Variants in TERF2IP observed in about 807,000 individuals in gnomAD.
The protein encoded by TERF2IP is telomeric repeat-binding factor 2-interacting protein 1.
A neutral mutation model predicts 33.3 loss-of-function variants in TERF2IP; 35 were observed. The observed-to-expected ratio is 1.05, with a 90% CI of 0.80 to 1.39. The LOEUF (loss-of-function observed/expected upper bound fraction) is 1.39, where lower values mean the gene tolerates loss of function less well. Ranked by LOEUF, TERF2IP falls within the 40% of genes most tolerant of loss-of-function variation. TERF2IP has a pLI of 0.00. For synonymous variants in TERF2IP, 253 were observed against 223.2 expected (o/e 1.13, Z -1.19); for missense variants, 583 against 524.8 (o/e 1.11, Z -1.08).
rs1379021647 is a variant in TERF2IP at position 75,648,180 on chromosome 16, C to A, written c.298C>A (p.Arg100=). 4 of 1,559,238 alleles carry A rather than the reference C, an allele frequency of 2.6e-6. No homozygotes were observed. The highest frequency in any genetic ancestry group is 3.5e-6 in the Non-Finnish European group (4 of 1,154,432). Residue 100 remains arginine, a synonymous_variant, in exon 1 of 3, where the codon CGG becomes AGG. Coordinates refer to ENST00000300086, the MANE Select transcript of TERF2IP (RefSeq NM_018975.4). The part of the protein sequence containing the change: ...RNERLELEAY[R]LGPASAADTG... ...CGAGAGGCTGGAGCTGGAGGCCTATCGGCTGGGCCCCGCCTCGGCGGCGGA... is the reference window on the plus strand; with the variant it reads ...CGAGAGGCTGGAGCTGGAGGCCTATAGGCTGGGCCCCGCCTCGGCGGCGGA...
intron 1 of TERF2IP, among the ~76,000 whole-genome samples, chr16:75,652,557 A>T (rs2082355337): frequency 6.6e-6 from 1 of 152,246 alleles, no homozygotes; most frequent in South Asian, 2.1e-4. Context: ...CAAATGCCAG[A>T]CATCATATCA....
At position 75,648,280 on chromosome 16, in the gene TERF2IP, G is replaced by T; in HGVS notation, c.398G>T (p.Arg133Leu). 1 of 1,550,416 alleles carries T rather than the reference G, an allele frequency of 6.4e-7. No homozygotes were observed. Among genetic ancestry groups the T allele is most frequent in the African/African-American group, 1.4e-5 (1 of 73,346 alleles). The change falls in exon 1 of 3, where the codon CGG becomes CTG. Residue 133 changes from arginine (R) to leucine (L), a missense_variant. Arg to Leu is a moderately radical substitution (Grantham distance 102, BLOSUM62 -2). Transcript: ENST00000300086. ...CCGGAGCCGCAGCGGCACGCCGGGC[G>T]GATCGCCTTCACGGATGCGGACGAC... Reference protein sequence around the residue: ...AEPEPQRHAGRIAFTDADDVA... With the variant: ...AEPEPQRHAGLIAFTDADDVA...
At chr16:75,649,359 C>T (rs1041404071) in intron 1 of TERF2IP, among the ~76,000 whole-genome samples, 4 of 152,192 alleles carry the variant, frequency 2.6e-5, no homozygotes, top group African/African-American at 9.7e-5. Flanking sequence ...GCCTGACCAA[C>T]ATGGCGAAAT....
At position 75,655,989 on chromosome 16, in the gene TERF2IP, GTGCACACACACA is replaced by G. The variant is rs2082382329; in HGVS notation, c.796-217_796-206del. On this transcript the variant is annotated intron_variant, in intron 2 of 2. Coordinates refer to ENST00000300086, the MANE Select transcript of TERF2IP (RefSeq NM_018975.4). ...TACTCCCCCTACCCCTCACACACAC[GTGCACACACACA>G]CGCGCACACACACACGCGTGTACAT... 5.4e-5 allele frequency among the ~76,000 whole-genome samples: 8 copies of G among 147,614 alleles called. 1 individual carries two copies. The East Asian group carries it at 1.6e-3, about 30-fold the overall frequency.
chr16:75,651,566 G>T (rs1264804096), intron 1 of TERF2IP, among the ~76,000 whole-genome samples: 2 of 152,182 alleles, frequency 1.3e-5, no homozygotes, highest in African/African-American at 4.8e-5. Context: ...GCATGCGCCT[G>T]TAATCGCAGC....
At chr16:75,651,654 A>C (rs1465132135) in intron 1 of TERF2IP, among the ~76,000 whole-genome samples, 1 of 152,116 alleles carries the variant, frequency 6.6e-6, no homozygotes, top group Non-Finnish European at 1.5e-5. Context: ...AAGCCCCTGC[A>C]CTCCAGCCTG....
rs182097570 is a variant in TERF2IP at position 75,649,676 on chromosome 16, T to G, written c.670+1124T>G. Among the ~76,000 whole-genome samples the G allele has an allele frequency of 3.3e-3, 497 of 152,202 alleles. 1 individual carries two copies. Among genetic ancestry groups the G allele is most frequent in the South Asian group, 0.016 (77 of 4,826 alleles). ...AGATTGCTGTTATGTTCAGGTAGAT[T>G]CAGTATAAAGGCGTACCAGACTTAC... is the stretch of plus-strand genomic sequence containing the variant. On this transcript the variant is annotated intron_variant, in intron 1 of 2. Transcript: ENST00000300086.
At position 75,648,011 on chromosome 16, in the gene TERF2IP, G is replaced by A; in HGVS notation, c.129G>A (p.Ser43=). ...CCAGCCCGGCCAAGCGTCGGCTGTC[G>A]ACGCTCATCCTGCACGGCGGCGGCA... ...VRPSPAKRRL[S]TLILHGGGTV... The change falls in exon 1 of 3, where the codon TCG becomes TCA. Residue 43 remains serine (S), a synonymous_variant. Transcript: ENST00000300086. 1 of 1,612,980 alleles carries A rather than the reference G, an allele frequency of 6.2e-7. No homozygotes were observed. The highest frequency in any genetic ancestry group is 8.5e-7 in the Non-Finnish European group (1 of 1,179,702).
At chr16:75,650,926 T>A (rs988799117) in intron 1 of TERF2IP, among the ~76,000 whole-genome samples, 1 of 152,168 alleles carries the variant, frequency 6.6e-6, no homozygotes, top group African/African-American at 2.4e-5. Context: ...ATCCTACCCA[T>A]CTAAGTAATC....
intron 1 of TERF2IP, among the ~76,000 whole-genome samples, chr16:75,649,543 CAA>C (rs5817958): frequency 4.4e-5 from 6 of 136,372 alleles, no homozygotes; most frequent in Admixed American, 7.2e-5. Flanking sequence ...GACTCCATCT[CAA>C]AAAAAAAAAA....
chr16:75,656,760 G>A lies in TERF2IP; in HGVS notation c.*149G>A, dbSNP rs1188643005. On this transcript the variant is annotated 3_prime_UTR_variant, in exon 3 of 3. Transcript: ENST00000300086. Reference sequence around the variant, plus strand: ...GTTGCTCTGTGAGTCCTAGATTTTTGTAGCCAAGCAGAGTTGTAGAGGGGG... The same window carrying A: ...GTTGCTCTGTGAGTCCTAGATTTTTATAGCCAAGCAGAGTTGTAGAGGGGG... 1 of 726,386 alleles carries A rather than the reference G, an allele frequency of 1.4e-6. No individual in the cohort carries two copies. Among genetic ancestry groups the A allele is most frequent in the East Asian group, 2.7e-5 (1 of 36,756 alleles). 45.0% of individuals were successfully genotyped at this position (726,386 alleles called of 1,614,324 possible). A position where few individuals can be genotyped will look rare whatever the true frequency, so the allele number is the denominator to read the frequency against.
rs747189011 is a variant in TERF2IP at position 75,656,319 on chromosome 16, A to T, written c.908A>T (p.Glu303Val). 1 of 1,614,088 alleles carries T rather than the reference A, an allele frequency of 6.2e-7. No individual in the cohort carries two copies. The highest frequency in any genetic ancestry group is 2.2e-5 in the East Asian group (1 of 44,896). Residue 303 changes from glutamate (E) to valine (V), a missense_variant, in exon 3 of 3, where the codon GAA becomes GTA. Coordinates refer to ENST00000300086, the MANE Select transcript of TERF2IP (RefSeq NM_018975.4). ...CCTGATGAGGAGGAAGAAGAAGAAGAAGAAAAAGTTTCTCAACCAGAGGTG... is the reference window on the plus strand; with the variant it reads ...CCTGATGAGGAGGAAGAAGAAGAAGTAGAAAAAGTTTCTCAACCAGAGGTG... ...TQPDEEEEEEEEKVSQPEVGA... is the reference protein window; with the variant it reads ...TQPDEEEEEEVEKVSQPEVGA...
chr16:75,654,544 T>C, intron 2 of TERF2IP, 147 bp downstream of exon 2: 1 of 864,256 alleles, frequency 1.2e-6, no homozygotes, highest in African/African-American at 1.7e-5. Context: ...AAAATGGGAC[T>C]GATCTGGGCT....
chr16:75,654,399 T>C lies in TERF2IP; in HGVS notation c.795+2T>C, dbSNP rs2082369637. ...ACCCGGGAGTTTGAGGAGGTTGTGG[T>C]ATGTTAACTAGATTTACTCATTATT... On this transcript the variant is annotated splice_donor_variant, in intron 2 of 2. Coordinates refer to ENST00000300086, the MANE Select transcript of TERF2IP (RefSeq NM_018975.4). LOFTEE classifies it high-confidence loss of function. 6.2e-7 allele frequency: 1 copy of C among 1,612,182 alleles called. No individual in the cohort carries two copies. Among genetic ancestry groups the C allele is most frequent in the Admixed American group, 1.7e-5 (1 of 59,854 alleles).
At chr16:75,650,759 A>G (rs1246564760) in intron 1 of TERF2IP, among the ~76,000 whole-genome samples, 1 of 151,700 alleles carries the variant, frequency 6.6e-6, no homozygotes. Context: ...CTGGTCTCGA[A>G]CTCCTGGGCT....
intron 2 of TERF2IP, 71 bp from the exon 3 acceptor site, chr16:75,656,136 G>C: frequency 6.8e-7 from 1 of 1,465,044 alleles, no homozygotes; most frequent in African/African-American, 1.4e-5. Context: ...GTGATAGTTG[G>C]AAGAGACCAG....
chr16:75,648,696 A>C, intron 1 of TERF2IP, 144 bp downstream of exon 1: 1 of 1,431,014 alleles, frequency 7.0e-7, no homozygotes, highest in Non-Finnish European at 9.1e-7. Flanking sequence ...AATTTGCACC[A>C]TTTTCTTGCC....
Position 75,654,342 on chromosome 16 carries a change from A to G in TERF2IP, c.740A>G (p.Glu247Gly). The G allele has an allele frequency of 1.2e-6, 2 of 1,614,012 alleles. No individual in the cohort carries two copies. Among genetic ancestry groups the G allele is most frequent in the South Asian group, 2.2e-5 (2 of 91,078 alleles). The change falls in exon 2 of 3, where the codon GAA (glutamate) becomes GGA (glycine). Residue 247 changes from glutamate to glycine, a missense_variant. Coordinates refer to ENST00000300086, the MANE Select transcript of TERF2IP (RefSeq NM_018975.4). ...GTGAAGGAAGAAATCCAGGAGAATG[A>G]AGAAGCAGTCAAAAAGATGCTTGTG... ...EYVKEEIQENEEAVKKMLVEA... is the reference protein window; with the variant it reads ...EYVKEEIQENGEAVKKMLVEA...
At position 75,657,126 on chromosome 16, in the gene TERF2IP, A is replaced by C. The variant is rs1343301880; in HGVS notation, c.*515A>C. 6.6e-6 allele frequency: 1 copy of C among 152,402 alleles called. No individual in the cohort carries two copies. The highest frequency in any genetic ancestry group is 6.5e-5 in the Admixed American group (1 of 15,284). 9.4% of individuals were successfully genotyped at this position (152,402 alleles called of 1,614,324 possible). On this transcript the variant is annotated 3_prime_UTR_variant, in exon 3 of 3. Coordinates refer to ENST00000300086, the MANE Select transcript of TERF2IP (RefSeq NM_018975.4). ...TTTCCCCCAGTGAGCTCTGATTTCT[A>C]GACTGCTTTGAAAATGCTGTATTCA...
Sources: allele counts gnomAD v4.1 joint callset (sites outside exome capture counted in the v4.1 genomes callset), GRCh38; gene constraint gnomAD v4.1.1; transcripts MANE v1.5; gene names NCBI Gene and HGNC (gene_info 2026-07-23, HGNC 2026-07-21).